The following MKRN1 variants were observed in gnomAD, a reference collection of about 807,000 sequenced individuals.
The protein encoded by MKRN1 is E3 ubiquitin-protein ligase makorin-1.
Under a neutral mutation model 55.5 loss-of-function variants are expected in MKRN1, and 9 were observed. The observed-to-expected ratio is 0.16, with a 90% CI of 0.10 to 0.28. MKRN1 has a LOEUF of 0.28. Among genes scored for constraint, MKRN1 ranks in the 10% least tolerant of loss-of-function variants. The pLI, the probability that MKRN1 is intolerant of heterozygous loss-of-function variation, is 1.00. For missense variants in MKRN1, 488 were observed against 626.7 expected (o/e 0.78, Z 2.36); for synonymous variants, 253 against 235.9 (o/e 1.07, Z -0.66).
rs1794759944 is a variant in MKRN1, at chr7:140,466,171, T to C, written c.314+5712A>G. 2.0e-5 allele frequency among the ~76,000 whole-genome samples: 3 copies of C among 152,232 alleles called. No individual in the cohort carries two copies. The South Asian group carries it at 6.2e-4, about 31-fold the overall frequency. Reference sequence around the variant, plus strand: ...TAGAGCAAGCCTCTCTTTAAGATTCTTTCTTTAGCTAGTCCACAATCAACC... The same window carrying C: ...TAGAGCAAGCCTCTCTTTAAGATTCCTTCTTTAGCTAGTCCACAATCAACC... On this transcript the variant is annotated intron_variant, in intron 2 of 7. Coordinates refer to ENST00000255977, the MANE Select transcript of MKRN1 (RefSeq NM_013446.4).
At chr7:140,471,645 T>C (rs1794930588) in intron 2 of MKRN1, among the ~76,000 whole-genome samples, 1 of 152,118 alleles carries the variant, frequency 6.6e-6, no homozygotes, top group South Asian at 2.1e-4. Context: ...AATTTTTCTA[T>C]ATTTTGTAGA....
At chr7:140,475,579 G>C (rs940739851) in intron 1 of MKRN1, among the ~76,000 whole-genome samples, 3 of 152,062 alleles carry the variant, frequency 2.0e-5, no homozygotes, top group African/African-American at 7.2e-5. Context: ...CAGGAGGATT[G>C]CTTGAGCCTG....
chr7:140,478,925 ACCG>A (rs1420677585), intron 1 of MKRN1: 24 of 382,994 alleles, frequency 6.3e-5, no homozygotes, highest in African/African-American at 4.7e-4. Flanking sequence ...GTAATCGCGC[ACCG>A]CCAGGCCTCC....
intron 2 of MKRN1, among the ~76,000 whole-genome samples, chr7:140,461,681 T>C (rs779942844): frequency 6.6e-6 from 1 of 151,926 alleles, no homozygotes; most frequent in Non-Finnish European, 1.5e-5. Flanking sequence ...TCTTTCTGCC[T>C]GAGAAAATTC....
rs1335137496 is a variant in MKRN1 at position 140,454,689 on chromosome 7, C to A, written c.1277G>T (p.Arg426Ile). ...RNHFWELIEERENSNPFDNDE... is the reference protein window; with the variant it reads ...RNHFWELIEEIENSNPFDNDE... ...GTTGTCAAAGGGGTTGCTGTTCTCTCTTTCCTCAATGAGTTCCCAGAAGTG... is the reference window on the plus strand; with the variant it reads ...GTTGTCAAAGGGGTTGCTGTTCTCTATTTCCTCAATGAGTTCCCAGAAGTG... Residue 426 changes from arginine (R) to isoleucine (I), a missense_variant, in exon 8 of 8, where the codon AGA becomes ATA. Arg to Ile is a moderately conservative substitution (Grantham distance 97). Around this residue, in one of 2 missense-constraint regions of MKRN1, gnomAD observed 278 missense variants for 406.7 expected, o/e 0.68. Transcript: ENST00000255977. 6.2e-7 allele frequency: 1 copy of A among 1,613,858 alleles called. No homozygotes were observed. Among genetic ancestry groups the A allele is most frequent in the African/African-American group, 1.3e-5 (1 of 74,924 alleles).
At chr7:140,460,046 C>A in intron 2 of MKRN1, 110 bp from the exon 3 acceptor site, 1 of 921,780 alleles carries the variant, frequency 1.1e-6, no homozygotes, top group Middle Eastern at 2.9e-4. Context: ...GTTGGGAGTT[C>A]GAGACCAGCC....
intron 2 of MKRN1, among the ~76,000 whole-genome samples, chr7:140,468,724 A>AAAAAAAAAACAC (rs1794839341): frequency 6.6e-6 from 1 of 151,260 alleles, no homozygotes; most frequent in Non-Finnish European, 1.5e-5. Context: ...AAAAAAAAAA[A>AAAAAAAAAACAC]AGACATGCCT....
Position 140,453,697 on chromosome 7 carries a change from T to C in MKRN1, c.*820A>G, listed in dbSNP as rs1040268703. ...CAATATACTGCTTTGCCCTTTAAGA[T>C]CTATCTGCCACACAAGGCTTAAACC... is the stretch of plus-strand genomic sequence containing the variant. On this transcript the variant is annotated 3_prime_UTR_variant, in exon 8 of 8. Transcript: ENST00000255977. The C allele has an allele frequency of 5.3e-5, 8 of 152,342 alleles. No individual in the cohort carries two copies. Among genetic ancestry groups the C allele is most frequent in the Non-Finnish European group, 1.2e-4 (8 of 68,114 alleles). 9.4% of individuals were successfully genotyped at this position (152,342 alleles called of 1,614,324 possible).
intron 5 of MKRN1, 86 bp from the exon 6 acceptor site, chr7:140,455,986 A>T: frequency 8.2e-7 from 1 of 1,217,262 alleles, no homozygotes; most frequent in Non-Finnish European, 1.2e-6. Context: ...TCGCCTCCAG[A>T]CTTAAAGACT....
At chr7:140,466,230 C>T (rs1190529745) in intron 2 of MKRN1, among the ~76,000 whole-genome samples, 1 of 152,192 alleles carries the variant, frequency 6.6e-6, no homozygotes, top group African/African-American at 2.4e-5. Flanking sequence ...CTGTACTCAA[C>T]AATTATCACC....
intron 1 of MKRN1, among the ~76,000 whole-genome samples, chr7:140,476,342 GC>G (rs1402202658): frequency 6.6e-6 from 1 of 151,722 alleles, no homozygotes; most frequent in Admixed American, 6.6e-5. Flanking sequence ...TATACATGTG[GC>G]CGGGCGTAAT....
intron 2 of MKRN1, among the ~76,000 whole-genome samples, chr7:140,463,178 T>A (rs1794671860): frequency 1.3e-5 from 2 of 152,196 alleles, no homozygotes; most frequent in South Asian, 4.1e-4. Flanking sequence ...CCTGCTATCA[T>A]CCACAAAAAC....
intron 1 of MKRN1, among the ~76,000 whole-genome samples, chr7:140,472,959 T>A (rs181295699): frequency 4.5e-4 from 68 of 150,608 alleles, no homozygotes; most frequent in Admixed American, 2.9e-3. Flanking sequence ...CTACTAAAAG[T>A]ACAAAAAATT....
intron 2 of MKRN1, among the ~76,000 whole-genome samples, chr7:140,468,272 G>A (rs1794826911): frequency 6.6e-6 from 1 of 152,002 alleles, no homozygotes; most frequent in Non-Finnish European, 1.5e-5. Flanking sequence ...CTAGAACCCA[G>A]TTCAAGGAAC....
At chr7:140,473,496 C>A (rs1353221922) in intron 1 of MKRN1, among the ~76,000 whole-genome samples, 1 of 152,186 alleles carries the variant, frequency 6.6e-6, no homozygotes, top group African/African-American at 2.4e-5. Context: ...ATCTTAACAA[C>A]CTCTTTAGGA....
At chr7:140,454,826 G>A in intron 7 of MKRN1, 97 bp from the exon 8 acceptor site, 2 of 1,260,544 alleles carry the variant, frequency 1.6e-6, no homozygotes, top group Non-Finnish European at 1.1e-6. Context: ...CAGAGGGCAT[G>A]ACGAACCAGA....
chr7:140,461,865 C>T (rs10241951), intron 2 of MKRN1, among the ~76,000 whole-genome samples: 3,954 of 152,112 alleles, frequency 0.026, 179 homozygotes, highest in African/African-American at 0.089. Flanking sequence ...TGCTTGTAAT[C>T]CCAGCTACTT....
intron 1 of MKRN1, among the ~76,000 whole-genome samples, chr7:140,472,937 G>GA (rs1432697113): frequency 6.6e-6 from 1 of 151,180 alleles, no homozygotes; most frequent in Non-Finnish European, 1.5e-5. Flanking sequence ...CTAATATGGT[G>GA]AAACCCCATC....
At chr7:140,472,978 A>C (rs1794979295) in intron 1 of MKRN1, among the ~76,000 whole-genome samples, 1 of 151,358 alleles carries the variant, frequency 6.6e-6, no homozygotes, top group Non-Finnish European at 1.5e-5. Context: ...TTAGCCGGGC[A>C]TGGTGGCAGG....
Sources: gnomAD v4.1 joint callset for allele counts (sites outside exome capture counted in the v4.1 genomes callset) on GRCh38, gnomAD v4.1.1 for gene constraint, gnomAD v4.1.1 regional missense constraint, MANE v1.5 for transcripts, NCBI Gene and HGNC (gene_info 2026-07-23, HGNC 2026-07-21) for gene names.